Variants in WASHC3 observed in about 807,000 individuals in gnomAD.
WASHC3 encodes WASH complex subunit 3.
In WASHC3, 24 loss-of-function variants were observed where a neutral mutation model predicts 26.1. That is an observed-to-expected ratio of 0.92 (90% CI 0.66 to 1.29). The LOEUF (loss-of-function observed/expected upper bound fraction) is 1.29, where lower values mean the gene tolerates loss of function less well. WASHC3 is among the 50% of genes most tolerant of loss of function. The pLI is 0.00. For synonymous variants in WASHC3, 77 were observed against 75.7 expected (o/e 1.02, Z -0.09); for missense variants, 214 against 229.6 (o/e 0.93, Z 0.44).
chr12:102,023,913 A>G (rs930967079), intron 6 of WASHC3, among the ~76,000 whole-genome samples: 2 of 152,166 alleles, frequency 1.3e-5, no homozygotes, highest in Admixed American at 1.3e-4. Context: ...AAACTGGCCA[A>G]GTGAGACACA....
At chr12:102,044,046 C>T (rs1389055792) in intron 4 of WASHC3, 59 bp downstream of exon 4, 40 of 713,008 alleles carry the variant, frequency 5.6e-5, no homozygotes, top group Non-Finnish European at 8.6e-5. Context: ...TTCCAACCTG[C>T]TGCTTAACAC....
At chr12:102,059,704 T>C (rs75884744) in intron 2 of WASHC3, 12,490 of 152,288 alleles carry the variant, frequency 0.082, 682 homozygotes, top group Non-Finnish European at 0.13. Flanking sequence ...TTCAGCTTGA[T>C]GATAAGGGCT....
At chr12:102,031,845 A>C (rs924197871) in intron 5 of WASHC3, among the ~76,000 whole-genome samples, 1 of 152,210 alleles carries the variant, frequency 6.6e-6, no homozygotes, top group African/African-American at 2.4e-5. Flanking sequence ...AATCTGTAAC[A>C]GTGTTTTTCA....
intron 2 of WASHC3, among the ~76,000 whole-genome samples, chr12:102,051,769 T>C (rs1040310301): frequency 2.0e-5 from 3 of 152,240 alleles, no homozygotes; most frequent in Admixed American, 6.5e-5. Context: ...TAAACTTCTC[T>C]ACATCTTAGT....
At chr12:102,018,296 A>G (rs2121322715) in intron 6 of WASHC3, among the ~76,000 whole-genome samples, 1 of 152,144 alleles carries the variant, frequency 6.6e-6, no homozygotes, top group African/African-American at 2.4e-5. Context: ...TCTCTTTGAG[A>G]CTCTGCTTTC....
intron 2 of WASHC3, among the ~76,000 whole-genome samples, chr12:102,055,278 C>T (rs1037018822): frequency 5.3e-5 from 8 of 152,184 alleles, no homozygotes; most frequent in African/African-American, 1.2e-4. Flanking sequence ...AGCTCAGTGA[C>T]GTTATAAATG....
intron 4 of WASHC3, 168 bp downstream of exon 4, chr12:102,043,937 T>G: frequency 2.5e-6 from 1 of 405,452 alleles, no homozygotes; most frequent in Non-Finnish European, 4.5e-6. Flanking sequence ...AGGAAGCCCT[T>G]CAAAATAACA....
chr12:102,040,735 C>T (rs1399294549), intron 4 of WASHC3, among the ~76,000 whole-genome samples: 1 of 151,942 alleles, frequency 6.6e-6, no homozygotes, highest in Non-Finnish European at 1.5e-5. Flanking sequence ...CATATGAGAA[C>T]CATATCCTTG....
At position 102,018,756 on chromosome 12, in the gene WASHC3, C is replaced by T. The variant is rs966267548; in HGVS notation, c.501-5564G>A. 2.6e-5 allele frequency among the ~76,000 whole-genome samples: 4 copies of T among 152,196 alleles called. 1 individual carries two copies. In the South Asian group the frequency reaches 8.3e-4, roughly 32 times the overall value. On this transcript the variant is annotated intron_variant, in intron 6 of 6. Transcript: ENST00000240079. The stretch of plus-strand genomic sequence containing the variant: ...AAGTGTTGAGATTACAGGCACGAGC[C>T]ACTGCACCTGGCTCCTCATTCATTT...
At chr12:102,062,072 G>T, upstream of WASHC3, 1 of 875,988 alleles carries the variant, frequency 1.1e-6, no homozygotes. Flanking sequence ...CGCCTCCGGG[G>T]CCCTTCCCGC....
chr12:102,015,252 G>C (rs1876648713), intron 6 of WASHC3, among the ~76,000 whole-genome samples: 1 of 151,972 alleles, frequency 6.6e-6, no homozygotes, highest in South Asian at 2.1e-4. Flanking sequence ...GACCATGCCT[G>C]GGCACTCCAA....
At chr12:102,039,627 A>G (rs1388461531) in intron 5 of WASHC3, among the ~76,000 whole-genome samples, 1 of 152,166 alleles carries the variant, frequency 6.6e-6, no homozygotes, top group African/African-American at 2.4e-5. Flanking sequence ...TGTAATGCAA[A>G]AAAATGTACA....
chr12:102,034,781 AGTGTGT>A (rs60815635), intron 5 of WASHC3, among the ~76,000 whole-genome samples: 288 of 146,156 alleles, frequency 2.0e-3, no homozygotes, highest in East Asian at 0.013. Flanking sequence ...CCTAAAAAAA[AGTGTGT>A]GTGTGTGTGT....
intron 5 of WASHC3, among the ~76,000 whole-genome samples, chr12:102,032,717 T>C (rs982211543): frequency 3.9e-5 from 6 of 152,126 alleles, no homozygotes; most frequent in Non-Finnish European, 8.8e-5. Flanking sequence ...ATTTTATGTA[T>C]GAGGGAACTG....
chr12:102,036,014 G>C (rs779675842), intron 5 of WASHC3, among the ~76,000 whole-genome samples: 7 of 152,190 alleles, frequency 4.6e-5, no homozygotes, highest in Non-Finnish European at 8.8e-5. Context: ...TTCAGAGAAG[G>C]AAAAGCATGG....
chr12:102,034,436 A>T (rs756298328), intron 5 of WASHC3, among the ~76,000 whole-genome samples: 10 of 152,274 alleles, frequency 6.6e-5, no homozygotes, highest in Non-Finnish European at 1.2e-4. Context: ...CTTCCAGTTA[A>T]AAGTTATAAT....
chr12:102,014,394 C>G (rs1876612982), intron 6 of WASHC3, among the ~76,000 whole-genome samples: 1 of 151,978 alleles, frequency 6.6e-6, no homozygotes, highest in Admixed American at 6.6e-5. Flanking sequence ...TTAATAATTA[C>G]AAACTACCAG....
chr12:102,040,672 T>C (rs932395947), intron 4 of WASHC3, among the ~76,000 whole-genome samples: 1 of 152,100 alleles, frequency 6.6e-6, no homozygotes, highest in African/African-American at 2.4e-5. Context: ...AAAAATGCTA[T>C]TGTTATACAG....
chr12:102,037,289 C>A (rs1877705318), intron 5 of WASHC3, among the ~76,000 whole-genome samples: 1 of 152,120 alleles, frequency 6.6e-6, no homozygotes, highest in African/African-American at 2.4e-5. Flanking sequence ...AAAAAAATCC[C>A]CTTTGCTTGT....
Sources: gnomAD v4.1 joint callset for allele counts (sites outside exome capture counted in the v4.1 genomes callset) on GRCh38, gnomAD v4.1.1 for gene constraint, MANE v1.5 for transcripts, NCBI Gene and HGNC (gene_info 2026-07-23, HGNC 2026-07-21) for gene names.